Variants in GNPTAB observed in about 807,000 individuals in gnomAD.
GNPTAB encodes the protein N-acetylglucosamine-1-phosphate transferase subunits alpha and beta.
A neutral mutation model predicts 136.6 loss-of-function variants in GNPTAB; 92 were observed. That is an observed-to-expected ratio of 0.67 (90% CI 0.57 to 0.80). The LOEUF (loss-of-function observed/expected upper bound fraction) is 0.80, where lower values mean the gene tolerates loss of function less well. Ranked by LOEUF, GNPTAB falls within the 30% of genes least tolerant of loss-of-function variation. The probability of loss-of-function intolerance (pLI) is 0.00; values close to 1 mark genes in which losing one functional copy is unlikely to be tolerated. For missense variants in GNPTAB, 1,343 were observed against 1,501.8 expected (o/e 0.89, Z 1.75); for synonymous variants, 512 against 535.1 (o/e 0.96, Z 0.60).
intron 7 of GNPTAB, among the ~76,000 whole-genome samples, chr12:101,775,653 A>G (rs548505251): frequency 2.6e-5 from 4 of 152,044 alleles, no homozygotes; most frequent in Non-Finnish European, 4.4e-5. Flanking sequence ...GTGAGCCACT[A>G]TGCCCGGCCG....
At chr12:101,777,138 C>G (rs1049648465) in intron 7 of GNPTAB, among the ~76,000 whole-genome samples, 7 of 152,216 alleles carry the variant, frequency 4.6e-5, no homozygotes, top group Non-Finnish European at 7.3e-5. Flanking sequence ...TCCTGAATAG[C>G]TTGTAAGTCA....
intron 5 of GNPTAB, 113 bp from the exon 6 acceptor site, chr12:101,780,734 T>G (rs982558751): frequency 1.3e-6 from 1 of 783,192 alleles, no homozygotes; most frequent in African/African-American, 1.7e-5. Flanking sequence ...TAATATATGG[T>G]CCAAAAAAAG....
chr12:101,805,956 TTGAG>T lies in GNPTAB; in HGVS notation c.118-9198_118-9195del, dbSNP rs1869912897. Among the ~76,000 whole-genome samples the T allele has an allele frequency of 2.6e-5, 4 of 152,220 alleles. No homozygotes were observed. The South Asian group carries it at 8.3e-4, about 32-fold the overall frequency. The stretch of plus-strand genomic sequence containing the variant: ...CATGATTTAAAAATTAAACAGGAAA[TTGAG>T]TAATTATGGTACATTCATATAAATA... On this transcript the variant is annotated intron_variant, in intron 1 of 20. Coordinates refer to ENST00000299314, the MANE Select transcript of GNPTAB (RefSeq NM_024312.5).
chr12:101,759,803 T>G lies in GNPTAB; in HGVS notation c.3249+227A>C, dbSNP rs556494689. ...CACCCTTAGTAAACAGGACATCCGC[T>G]TATGGAATATAAGCAACAAATCCAA... is the stretch of plus-strand genomic sequence containing the variant. On this transcript the variant is annotated intron_variant, in intron 16 of 20. Transcript: ENST00000299314. Among the ~76,000 whole-genome samples, 53 of 152,358 alleles carry G rather than the reference T, an allele frequency of 3.5e-4. No individual in the cohort carries two copies. In the South Asian group the frequency reaches 0.011, roughly 32 times the overall value.
chr12:101,766,638 C>CA (rs1953099455), intron 11 of GNPTAB, among the ~76,000 whole-genome samples: 1 of 151,856 alleles, frequency 6.6e-6, no homozygotes, highest in East Asian at 1.9e-4. Context: ...AACTCCGTCT[C>CA]AAAAAACAAA....
chr12:101,824,782 T>C (rs1871004962), intron 1 of GNPTAB, among the ~76,000 whole-genome samples: 3 of 152,076 alleles, frequency 2.0e-5, no homozygotes, highest in Admixed American at 2.0e-4. Context: ...GTTAACAAAC[T>C]GGTTAATAAT....
Position 101,747,142 on chromosome 12 carries a change from A to C in GNPTAB, c.*22T>G. The C allele has an allele frequency of 7.6e-7, 1 of 1,321,216 alleles. No individual in the cohort carries two copies. The highest frequency in any genetic ancestry group is 1.7e-5 in the Admixed American group (1 of 59,646). The allele number at this position is 1,321,216 out of a possible 1,614,324, so 81.8% of individuals were successfully genotyped here. A position where few individuals can be genotyped will look rare whatever the true frequency, so the allele number is the denominator to read the frequency against. ...AAATGCTCAGTAAATGCTGAGGTAGATGGTTTTCAAATGAAGATCTTCTAT... is the reference window on the plus strand; with the variant it reads ...AAATGCTCAGTAAATGCTGAGGTAGCTGGTTTTCAAATGAAGATCTTCTAT... On this transcript the variant is annotated 3_prime_UTR_variant, in exon 21 of 21. Coordinates refer to ENST00000299314, the MANE Select transcript of GNPTAB (RefSeq NM_024312.5).
intron 1 of GNPTAB, among the ~76,000 whole-genome samples, chr12:101,818,604 T>C (rs1870635082): frequency 6.6e-6 from 1 of 152,172 alleles, no homozygotes; most frequent in Non-Finnish European, 1.5e-5. Flanking sequence ...CTCAAACTCC[T>C]GACTTCAGGT....
chr12:101,762,991 C>T (rs1020948936), intron 13 of GNPTAB, among the ~76,000 whole-genome samples: 4 of 150,550 alleles, frequency 2.7e-5, no homozygotes, highest in Non-Finnish European at 5.9e-5. Context: ...GAGGCCGAGG[C>T]GGGCGGATCA....
chr12:101,761,573 A>G lies in GNPTAB; in HGVS notation c.2906T>C (p.Leu969Pro). ...CACGAGCAAGACTTACATATCTTGC[A>G]GTTCTTGCATAACAATCCGGTCAAT... ...HMIDRIVMQELQDMFPEEFDK... is the reference protein window; with the variant it reads ...HMIDRIVMQEPQDMFPEEFDK... Residue 969 changes from leucine (L) to proline (P), a missense_variant, in exon 14 of 21, where the codon CTG (leucine) becomes CCG (proline). By Grantham distance (98) the Leu-to-Pro change is moderately conservative. Transcript: ENST00000299314. The G allele has an allele frequency of 6.2e-7, 1 of 1,613,952 alleles. No homozygotes were observed. The highest frequency in any genetic ancestry group is 8.5e-7 in the Non-Finnish European group (1 of 1,179,770).
In GNPTAB at chr12:101,773,170, T is replaced by C. The variant is rs1044771406; in HGVS notation, c.772-2013A>G. On this transcript the variant is annotated intron_variant, in intron 7 of 20. Transcript: ENST00000299314. ...GGTTCAATCACAGCTTCGTTATCAATTTCTAGATCACTTTCCTCACTTGAT... is the reference window on the plus strand; with the variant it reads ...GGTTCAATCACAGCTTCGTTATCAACTTCTAGATCACTTTCCTCACTTGAT... 12 of 254,950 alleles carry C rather than the reference T, an allele frequency of 4.7e-5. No individual in the cohort carries two copies. In the Admixed American group the frequency reaches 6.2e-4, roughly 13 times the overall value. The allele number at this position is 254,950 out of a possible 1,614,324, so 15.8% of individuals were successfully genotyped here. A position where few individuals can be genotyped will look rare whatever the true frequency, so the allele number is the denominator to read the frequency against.
intron 1 of GNPTAB, among the ~76,000 whole-genome samples, chr12:101,825,873 C>T (rs778460481): frequency 3.3e-5 from 5 of 152,218 alleles, no homozygotes; most frequent in Admixed American, 6.5e-5. Flanking sequence ...TCCCAACCCA[C>T]AAGGCAGCTG....
chr12:101,829,830 G>A (rs577051919), intron 1 of GNPTAB, among the ~76,000 whole-genome samples: 77 of 152,168 alleles, frequency 5.1e-4, no homozygotes, highest in African/African-American at 1.7e-3. Context: ...CACTTGCACT[G>A]CATTCTCTGG....
chr12:101,802,298 A>G (rs1869687854), intron 1 of GNPTAB, among the ~76,000 whole-genome samples: 2 of 152,138 alleles, frequency 1.3e-5, no homozygotes, highest in Admixed American at 6.6e-5. Context: ...TCTAGACCCC[A>G]AATTTCTTTT....
chr12:101,824,432 A>ATATAT (rs1188582277), intron 1 of GNPTAB, among the ~76,000 whole-genome samples: 1 of 50,870 alleles, frequency 2.0e-5, no homozygotes, highest in South Asian at 6.8e-4. Context: ...ATATATATAT[A>ATATAT]TTTTCTTTTT....
chr12:101,786,421 T>C (rs1294144643), intron 4 of GNPTAB, among the ~76,000 whole-genome samples: 2 of 152,214 alleles, frequency 1.3e-5, no homozygotes. Flanking sequence ...ACTCCAAAGA[T>C]AGAGCTTTCA....
intron 16 of GNPTAB, 106 bp downstream of exon 16, chr12:101,759,924 C>A: frequency 1.3e-6 from 1 of 764,728 alleles, no homozygotes; most frequent in Non-Finnish European, 2.4e-6. Flanking sequence ...ACATATAAAA[C>A]CATAGAGCCT....
intron 7 of GNPTAB, chr12:101,773,689 G>A (rs1007370923): frequency 2.0e-5 from 3 of 152,288 alleles, no homozygotes; most frequent in African/African-American, 7.2e-5. Context: ...ATGAGGTTAA[G>A]GTAATATTTA....
At chr12:101,808,889 G>A (rs1594252281) in intron 1 of GNPTAB, among the ~76,000 whole-genome samples, 1 of 152,116 alleles carries the variant, frequency 6.6e-6, no homozygotes, top group Non-Finnish European at 1.5e-5. Flanking sequence ...CGGAGGCTAC[G>A]GTAAGCCAAG....
Sources: gnomAD v4.1 joint callset for allele counts (sites outside exome capture counted in the v4.1 genomes callset) on GRCh38, gnomAD v4.1.1 for gene constraint, MANE v1.5 for transcripts, NCBI Gene and HGNC (gene_info 2026-07-23, HGNC 2026-07-21) for gene names.